The following C11orf65 variants were observed in gnomAD, a reference collection of about 807,000 sequenced individuals.
C11orf65 encodes the protein chromosome 11 open reading frame 65.
C11orf65 carries 38 observed loss-of-function variants against 35.3 expected under a neutral mutation model. That is an observed-to-expected ratio of 1.08 (90% CI 0.83 to 1.41). The LOEUF is 1.41. Ranked by LOEUF, C11orf65 falls within the 40% of genes most tolerant of loss-of-function variation. The probability of loss-of-function intolerance (pLI) is 0.00; values close to 1 mark genes in which losing one functional copy is unlikely to be tolerated. For synonymous variants in C11orf65, 105 were observed against 114.4 expected, an observed-to-expected ratio of 0.92 and a Z score of 0.53; for missense variants, 370 against 367.1, an observed-to-expected ratio of 1.01 and a Z score of -0.06.
downstream of C11orf65, among the ~76,000 whole-genome samples, chr11:108,328,148 T>C (rs1170391087): frequency 6.6e-6 from 1 of 152,200 alleles, no homozygotes; most frequent in African/African-American, 2.4e-5. Context: ...CCCTTTGACT[T>C]TCCTGTTTCT....
chr11:108,330,415 G>A (rs1266101531), downstream of C11orf65: 1 of 1,614,090 alleles, frequency 6.2e-7, no homozygotes, highest in Non-Finnish European at 8.5e-7. Flanking sequence ...TCAATGGCAT[G>A]ATGAAGGCAA....
downstream of C11orf65, among the ~76,000 whole-genome samples, chr11:108,382,550 T>A (rs2091887270): frequency 6.6e-6 from 1 of 151,082 alleles, no homozygotes; most frequent in Non-Finnish European, 1.5e-5. Context: ...CAAACTAGAA[T>A]GAGTAAGCAG....
chr11:108,427,516 G>A (rs1050356630), intron 3 of C11orf65, among the ~76,000 whole-genome samples: 27 of 150,970 alleles, frequency 1.8e-4, no homozygotes, highest in South Asian at 1.1e-3. Context: ...TCAGGAGATC[G>A]AGACCATCCT....
intron 2 of C11orf65, among the ~76,000 whole-genome samples, chr11:108,373,266 A>C (rs1487349211): frequency 1.3e-5 from 2 of 152,222 alleles, no homozygotes; most frequent in Non-Finnish European, 2.9e-5. Context: ...TCATGCCAAT[A>C]GTGCAGAAAA....
chr11:108,468,581 A>G (rs896346569), upstream of C11orf65, among the ~76,000 whole-genome samples: 3 of 152,192 alleles, frequency 2.0e-5, no homozygotes, highest in South Asian at 2.1e-4. Context: ...TGTATAATGA[A>G]AACATTTGTA....
At chr11:108,330,545 A>G (rs2086150154), downstream of C11orf65, 1 of 961,018 alleles carries the variant, frequency 1.0e-6, no homozygotes, top group South Asian at 1.3e-5. Context: ...TCTACACATA[A>G]GTAGCATTTT....
At chr11:108,360,605 A>G (rs867981709) in intron 2 of C11orf65, among the ~76,000 whole-genome samples, 1 of 149,704 alleles carries the variant, frequency 6.7e-6, no homozygotes, top group African/African-American at 2.5e-5. Flanking sequence ...ACCATGATCC[A>G]GTGGGCTTCA....
At chr11:108,392,841 A>G (rs994793537) in intron 7 of C11orf65, among the ~76,000 whole-genome samples, 1 of 152,234 alleles carries the variant, frequency 6.6e-6, no homozygotes, top group Non-Finnish European at 1.5e-5. Flanking sequence ...CTGAAAACTT[A>G]TAACATTTTA....
At chr11:108,388,389 C>T (rs1258394362) in intron 7 of C11orf65, among the ~76,000 whole-genome samples, 1 of 152,194 alleles carries the variant, frequency 6.6e-6, no homozygotes, top group East Asian at 1.9e-4. Flanking sequence ...TATCACAGAG[C>T]TCATCTTTCT....
At chr11:108,437,732 AAAAAAAG>A (rs1274664084) in intron 2 of C11orf65, among the ~76,000 whole-genome samples, 4 of 150,282 alleles carry the variant, frequency 2.7e-5, no homozygotes, top group African/African-American at 9.8e-5. Flanking sequence ...AAAAAAAAAA[AAAAAAAG>A]GATAAGGAAA....
intron 6 of C11orf65, chr11:108,325,599 T>TA (rs2136321586): frequency 3.5e-6 from 5 of 1,422,186 alleles, no homozygotes; most frequent in South Asian, 2.3e-5. Context: ...TTTTATTATT[T>TA]AAAAAACAGA....
chr11:108,450,629 TG>T, intron 2 of C11orf65, among the ~76,000 whole-genome samples: 3 of 53,300 alleles, frequency 5.6e-5, no homozygotes, highest in African/African-American at 2.4e-4. Flanking sequence ...TGTTGTGGGG[TG>T]GGGGGAGGGG....
At chr11:108,403,632 T>A (rs1204024602) in intron 6 of C11orf65, among the ~76,000 whole-genome samples, 1 of 152,294 alleles carries the variant, frequency 6.6e-6, no homozygotes, top group South Asian at 2.1e-4. Flanking sequence ...AGATGCTTTA[T>A]GGTTTTTGCT....
intron 6 of C11orf65, among the ~76,000 whole-genome samples, chr11:108,394,457 T>G (rs1236618191): frequency 6.6e-6 from 1 of 152,182 alleles, no homozygotes; most frequent in Non-Finnish European, 1.5e-5. Context: ...CAGTAAATAC[T>G]TATGAGAGCC....
chr11:108,447,291 C>T (rs1271025956), intron 2 of C11orf65, among the ~76,000 whole-genome samples: 1 of 152,124 alleles, frequency 6.6e-6, no homozygotes, highest in Admixed American at 6.6e-5. Context: ...ACCTAATAGA[C>T]ATCTACAGAA....
rs145170546 is a variant in C11orf65, at chr11:108,466,679, A to ATC, written c.-10+791_-10+792insGA. Among the ~76,000 whole-genome samples, 82 of 152,368 alleles carry ATC rather than the reference A, an allele frequency of 5.4e-4. 1 individual carries two copies. In the East Asian group the frequency reaches 0.015, roughly 28 times the overall value. On this transcript the variant is annotated intron_variant, in intron 1 of 8. Transcript: ENST00000393084. ...CCATGTGCCACTTGTAGATTCACAG[A>ATC]TAAGTATTTTCCAAGCTTATTATAT...
At chr11:108,459,909 C>T (rs991194420) in intron 2 of C11orf65, among the ~76,000 whole-genome samples, 5 of 152,002 alleles carry the variant, frequency 3.3e-5, no homozygotes, top group South Asian at 2.1e-4. Flanking sequence ...TAGCTGCAAA[C>T]GATAGAAAAG....
At chr11:108,368,443 C>T (rs886047628) in intron 2 of C11orf65, 1 of 213,440 alleles carries the variant, frequency 4.7e-6, no homozygotes, top group Admixed American at 5.8e-5. Flanking sequence ...ATATTATGTA[C>T]AGCATTTCTG....
At chr11:108,466,323 T>C (rs558468125) in intron 1 of C11orf65, among the ~76,000 whole-genome samples, 2 of 152,022 alleles carry the variant, frequency 1.3e-5, no homozygotes, top group Admixed American at 6.5e-5. Flanking sequence ...CCTGTAATCC[T>C]AACATTTTGG....
Sources: gnomAD v4.1 joint callset for allele counts (sites outside exome capture counted in the v4.1 genomes callset) on GRCh38, gnomAD v4.1.1 for gene constraint, MANE v1.5 for transcripts, NCBI Gene and HGNC (gene_info 2026-07-23, HGNC 2026-07-21) for gene names.